The following RP1 variants were observed in gnomAD, a reference collection of about 807,000 sequenced individuals.
RP1 encodes RP1 axonemal microtubule associated.
RP1 carries 16 observed loss-of-function variants against 14.8 expected under a neutral mutation model. The observed-to-expected ratio is 1.08, with a 90% CI of 0.73 to 1.65. The LOEUF (loss-of-function observed/expected upper bound fraction) is 1.65. Among genes scored for constraint, RP1 ranks in the 40% most tolerant of loss-of-function variants. The pLI, the probability that RP1 is intolerant of heterozygous loss-of-function variation, is 0.00. For missense variants in RP1, 2,631 were observed against 2,535.0 expected (o/e 1.04, Z -0.81); for synonymous variants, 876 against 883.6 (o/e 0.99, Z 0.15).
intron 3 of RP1, among the ~76,000 whole-genome samples, chr8:54,623,398 T>G (rs1184313956): frequency 1.3e-5 from 2 of 152,180 alleles, no homozygotes; most frequent in African/African-American, 4.8e-5. Context: ...ATTTCTAGGT[T>G]TATACTCTGC....
chr8:54,559,722 C>T (rs1253286566), intron 1 of RP1, among the ~76,000 whole-genome samples: 2 of 152,106 alleles, frequency 1.3e-5, no homozygotes, highest in East Asian at 1.9e-4. Flanking sequence ...CAGCATGATC[C>T]GTCTTAGGTT....
chr8:54,606,719 T>C (rs1805454688), intron 1 of RP1, among the ~76,000 whole-genome samples: 1 of 152,206 alleles, frequency 6.6e-6, no homozygotes, highest in South Asian at 2.1e-4. Context: ...TAGTCCCATA[T>C]TTCTTGGAGG....
At chr8:54,671,961 G>A (rs141135173) in intron 7 of RP1, among the ~76,000 whole-genome samples, 8 of 152,242 alleles carry the variant, frequency 5.3e-5, no homozygotes, top group Non-Finnish European at 1.0e-4. Context: ...TATGAGTCAC[G>A]TGCTTTACTA....
intron 4 of RP1, among the ~76,000 whole-genome samples, chr8:54,649,573 C>G (rs538607756): frequency 6.6e-6 from 1 of 152,242 alleles, no homozygotes; most frequent in East Asian, 1.9e-4. Flanking sequence ...AGATCAGGGT[C>G]TAGAGGGAAA....
At chr8:54,787,776 C>A (rs1585692177) in intron 24 of RP1, among the ~76,000 whole-genome samples, 1 of 152,114 alleles carries the variant, frequency 6.6e-6, no homozygotes, top group East Asian at 1.9e-4. Flanking sequence ...TTGAATATCC[C>A]TTATGCTCCT....
chr8:54,851,236 G>A (rs1350603076), intron 25 of RP1, among the ~76,000 whole-genome samples: 1 of 152,164 alleles, frequency 6.6e-6, no homozygotes, highest in Non-Finnish European at 1.5e-5. Context: ...AGGAAGGGCT[G>A]AGTGTTGCTT....
chr8:54,855,117 T>C (rs887087844), intron 26 of RP1, among the ~76,000 whole-genome samples: 2 of 152,220 alleles, frequency 1.3e-5, no homozygotes, highest in African/African-American at 4.8e-5. Flanking sequence ...TATGTGTCTA[T>C]GAGTTGACTA....
chr8:54,681,008 T>C (rs1807415562), intron 12 of RP1, among the ~76,000 whole-genome samples: 1 of 151,760 alleles, frequency 6.6e-6, no homozygotes. Context: ...TAAAAATACT[T>C]CCTAGGAGCT....
Position 54,625,530 on chromosome 8 carries a change from A to G in RP1, c.1648A>G (p.Ile550Val). ...GTCAAGTGCAATAAGTGCTGGTGTT[A>G]TAGAAATTACAAGTCAGAAGATGTT... ...LKSSAISAGVIEITSQKMLEM... is the reference protein window; with the variant it reads ...LKSSAISAGVVEITSQKMLEM... Residue 550 changes from isoleucine to valine, a missense_variant, in exon 4 of 4, where the codon ATA becomes GTA. Physicochemically the swap from Ile to Val is conservative, Grantham distance 29 (BLOSUM62 3). Coordinates refer to ENST00000220676, the MANE Select transcript of RP1 (RefSeq NM_006269.2). 6.2e-7 allele frequency: 1 copy of G among 1,614,062 alleles called. No homozygotes were observed. The highest frequency in any genetic ancestry group is 8.5e-7 in the Non-Finnish European group (1 of 1,180,012).
intron 19 of RP1, among the ~76,000 whole-genome samples, chr8:54,750,118 A>C (rs2129364033): frequency 6.6e-6 from 1 of 152,246 alleles, no homozygotes. Context: ...CGTTTGGCTG[A>C]AGTTTTCCTT....
intron 3 of RP1, among the ~76,000 whole-genome samples, chr8:54,645,987 G>A (rs897607125): frequency 2.6e-5 from 4 of 151,828 alleles, no homozygotes; most frequent in Admixed American, 1.3e-4. Flanking sequence ...TCCACCACCC[G>A]CATTCTTTTT....
At chr8:54,588,977 T>C (rs1233765189) in intron 1 of RP1, among the ~76,000 whole-genome samples, 1 of 152,202 alleles carries the variant, frequency 6.6e-6, no homozygotes, top group African/African-American at 2.4e-5. Flanking sequence ...CTCACCCTAG[T>C]GTGCACAATT....
intron 15 of RP1, chr8:54,706,695 A>G (rs1458769256): frequency 6.5e-7 from 1 of 1,529,900 alleles, no homozygotes; most frequent in East Asian, 2.4e-5. Context: ...AATGTTTAAG[A>G]CATTTGCCAG....
At position 54,610,897 on chromosome 8, in the gene RP1, C is replaced by T. The variant is rs565288005; in HGVS notation, c.-12-10058C>T. On this transcript the variant is annotated intron_variant, in intron 1 of 22. Coordinates refer to the RP1 transcript ENST00000636932. Reference sequence around the variant, plus strand: ...TTTTTGTTTTAACTTGAAGGACTTCCTGTAACATTTCTTGAGGAGCAGGTC... The same window carrying T: ...TTTTTGTTTTAACTTGAAGGACTTCTTGTAACATTTCTTGAGGAGCAGGTC... 4.6e-5 allele frequency among the ~76,000 whole-genome samples: 7 copies of T among 152,266 alleles called. No homozygotes were observed. In the South Asian group the frequency reaches 1.5e-3, roughly 32 times the overall value.
chr8:54,629,408 T>C lies in RP1; in HGVS notation c.5526T>C (p.Cys1842=), dbSNP rs1205036758. 6.2e-7 allele frequency: 1 copy of C among 1,614,024 alleles called. No individual in the cohort carries two copies. Among genetic ancestry groups the C allele is most frequent in the African/African-American group, 1.3e-5 (1 of 74,928 alleles). The change falls in exon 4 of 4, where the codon TGT becomes TGC. Residue 1842 remains cysteine (C), a synonymous_variant. Coordinates refer to ENST00000220676, the MANE Select transcript of RP1 (RefSeq NM_006269.2). ...EDLLDVRNET[C]AKERIANHHT... ...TGCTGGATGTTCGCAATGAAACCTG[T>C]GCCAAGGAAAGAATAGCAAATCATC...
At chr8:54,752,347 G>A (rs1015964625) in intron 19 of RP1, among the ~76,000 whole-genome samples, 8 of 152,148 alleles carry the variant, frequency 5.3e-5, no homozygotes, top group Non-Finnish European at 8.8e-5. Context: ...GATAGCAGTC[G>A]TAGTTATGGT....
chr8:54,837,789 G>C (rs750607565), intron 25 of RP1: 5 of 500,000 alleles, frequency 1.0e-5, no homozygotes, highest in Non-Finnish European at 1.6e-5. Flanking sequence ...CACACTTCGT[G>C]GGCTATAAAG....
At chr8:54,734,538 C>T in intron 17 of RP1, 1 of 1,528,222 alleles carries the variant, frequency 6.5e-7, no homozygotes. Context: ...GCTTTTTTCC[C>T]CCATAGAAGA....
chr8:54,686,724 T>C (rs757769230), intron 12 of RP1, among the ~76,000 whole-genome samples: 1 of 152,182 alleles, frequency 6.6e-6, no homozygotes, highest in Non-Finnish European at 1.5e-5. Flanking sequence ...TTTTTAACAC[T>C]GAACCCTTGA....
Sources: allele counts gnomAD v4.1 joint callset (sites outside exome capture counted in the v4.1 genomes callset), GRCh38; gene constraint gnomAD v4.1.1; transcripts MANE v1.5; gene names NCBI Gene and HGNC (gene_info 2026-07-23, HGNC 2026-07-21).